MRPL54: variants seen among roughly 807,000 people sequenced by gnomAD.
The protein encoded by MRPL54 is mitochondrial ribosomal protein L54.
Under a neutral mutation model 15.6 loss-of-function variants are expected in MRPL54, and 12 were observed. The ratio of observed to expected loss-of-function variants is 0.77; its 90% CI spans 0.49 to 1.24. The LOEUF is 1.24. Ranked by LOEUF, MRPL54 falls within the 50% of genes most tolerant of loss-of-function variation. The pLI, the probability that MRPL54 is intolerant of heterozygous loss-of-function variation, is 0.00. For missense variants in MRPL54, 178 were observed against 186.8 expected (o/e 0.95, Z 0.28); for synonymous variants, 91 against 75.7 (o/e 1.20, Z -1.05).
At chr19:3,764,166 T>C (rs943121932) in intron 1 of MRPL54, among the ~76,000 whole-genome samples, 3 of 151,226 alleles carry the variant, frequency 2.0e-5, no homozygotes, top group African/African-American at 4.8e-5. Flanking sequence ...CACTGCAAGC[T>C]CCGCCTCCTG....
At chr19:3,762,914 T>G in intron 1 of MRPL54, 96 bp downstream of exon 1, 1 of 1,061,036 alleles carries the variant, frequency 9.4e-7, no homozygotes, top group Non-Finnish European at 1.3e-6. Context: ...CTAGAACTGA[T>G]GCGCAAGCGC....
chr19:3,766,684 G>A (rs1327298171), intron 2 of MRPL54, among the ~76,000 whole-genome samples: 3 of 152,236 alleles, frequency 2.0e-5, no homozygotes, highest in Non-Finnish European at 4.4e-5. Context: ...GAAGGGGGCA[G>A]GAGAATGAGG....
At chr19:3,767,164 C>G in intron 2 of MRPL54, 97 bp from the exon 3 acceptor site, 1 of 1,434,858 alleles carries the variant, frequency 7.0e-7, no homozygotes, top group Non-Finnish European at 9.3e-7. Flanking sequence ...GTGGGCCTGG[C>G]ACCCAGCCCC....
intron 1 of MRPL54, 69 bp from the exon 2 acceptor site, chr19:3,765,097 T>G: frequency 6.6e-7 from 1 of 1,503,948 alleles, no homozygotes; most frequent in Non-Finnish European, 9.0e-7. Flanking sequence ...TGAGACAGGG[T>G]TCTGTGAGAG....
rs1464513487 is a variant in MRPL54, at chr19:3,765,149, C to A, written c.119-17C>A. On this transcript the variant is annotated splice_polypyrimidine_tract_variant and intron_variant, in intron 1 of 2. Transcript: ENST00000330133. ...GGAGGGGCTGGGCTGAAATGACTCT[C>A]CCTCTCGTCTCCCCAGTTATGAAGG... 6.3e-7 allele frequency: 1 copy of A among 1,599,896 alleles called. No homozygotes were observed. The highest frequency in any genetic ancestry group is 8.5e-7 in the Non-Finnish European group (1 of 1,172,434).
At chr19:3,767,227 G>T (rs756566476) in intron 2 of MRPL54, 34 bp from the exon 3 acceptor site, 2 of 1,601,222 alleles carry the variant, frequency 1.2e-6, no homozygotes, top group Non-Finnish European at 1.7e-6. Flanking sequence ...AGGGGTCACC[G>T]TGTAGCTCTG....
At position 3,765,179 on chromosome 19, in the gene MRPL54, CAA is replaced by C; in HGVS notation, c.134_135del (p.Lys45IlefsTer46). 6.2e-7 allele frequency: 1 copy of C among 1,611,676 alleles called. No individual in the cohort carries two copies. The highest frequency in any genetic ancestry group is 8.5e-7 in the Non-Finnish European group (1 of 1,178,948). On this transcript the variant is annotated frameshift_variant, in exon 2 of 3. Transcript: ENST00000330133. LOFTEE classifies it high-confidence loss of function. ...YAKKPVMKGAKSGKGAVTSEA... is the reference protein window; with the variant it reads ...YAKKPVMKGAXSGKGAVTSEA... ...TCGTCTCCCCAGTTATGAAGGGGGC[CAA>C]ATCGGGAAAAGGTGCAGTGACCAGC...
In MRPL54 at chr19:3,767,402, G is replaced by A. The variant is rs1356383213; in HGVS notation, c.*9G>A. Reference sequence around the variant, plus strand: ...AGAACAAGAGGTTGTAGCATGGAGGGCCCGGCATCGCTGACCCCCACGCCG... The same window carrying A: ...AGAACAAGAGGTTGTAGCATGGAGGACCCGGCATCGCTGACCCCCACGCCG... On this transcript the variant is annotated 3_prime_UTR_variant, in exon 3 of 3. Transcript: ENST00000330133. The A allele has an allele frequency of 6.2e-7, 1 of 1,607,452 alleles. No homozygotes were observed.
Position 3,767,321 on chromosome 19 carries a change from G to A in MRPL54, c.345G>A (p.Arg115=). Residue 115 remains arginine, a synonymous_variant, in exon 3 of 3, where the codon CGG becomes CGA. Coordinates refer to ENST00000330133, the MANE Select transcript of MRPL54 (RefSeq NM_172251.3). ...KTLEELDPES[R]EYWRRLRKQN... ...TGGAGGAGCTGGACCCCGAGAGCCGGGAGTACTGGCGGCGGCTGCGGAAAC... is the reference window on the plus strand; with the variant it reads ...TGGAGGAGCTGGACCCCGAGAGCCGAGAGTACTGGCGGCGGCTGCGGAAAC... 6.2e-7 allele frequency: 1 copy of A among 1,611,992 alleles called. No homozygotes were observed. Among genetic ancestry groups the A allele is most frequent in the Non-Finnish European group, 8.5e-7 (1 of 1,179,282 alleles).
At chr19:3,764,868 A>G (rs140960963) in intron 1 of MRPL54, among the ~76,000 whole-genome samples, 1,960 of 151,914 alleles carry the variant, frequency 0.013, 13 homozygotes, top group Non-Finnish European at 0.018. Context: ...CTCTACTAAA[A>G]ATACAAAAAA....
At position 3,762,696 on chromosome 19, in the gene MRPL54, A is replaced by T. The variant is rs779965466; in HGVS notation, c.-5A>T. The stretch of plus-strand genomic sequence containing the variant: ...CGTGCACTTGCAAGCTGCCCGCAAT[A>T]CGTCATGGCGACCAAACGCCTTTTC... On this transcript the variant is annotated 5_prime_UTR_variant, in exon 1 of 3. Transcript: ENST00000330133. 16 of 1,611,012 alleles carry T rather than the reference A, an allele frequency of 9.9e-6. 1 individual carries two copies. In the South Asian group the frequency reaches 1.8e-4, roughly 18 times the overall value.
In MRPL54 at chr19:3,762,731, C is replaced by T. The variant is rs767955962; in HGVS notation, c.31C>T (p.Arg11Trp). Residue 11 changes from arginine (R) to tryptophan (W), a missense_variant, in exon 1 of 3, where the codon CGG becomes TGG. Coordinates refer to ENST00000330133, the MANE Select transcript of MRPL54 (RefSeq NM_172251.3). ...GACCAAACGCCTTTTCGGGGCTACC[C>T]GGACGTGGGCCGGCTGGGGGGCCTG... is the stretch of plus-strand genomic sequence containing the variant. MATKRLFGATRTWAGWGAWEL... is the reference protein window; with the variant it reads MATKRLFGATWTWAGWGAWEL... 1 of 1,611,470 alleles carries T rather than the reference C, an allele frequency of 6.2e-7. No homozygotes were observed. Among genetic ancestry groups the T allele is most frequent in the Non-Finnish European group, 8.5e-7 (1 of 1,179,080 alleles).
At chr19:3,764,239 T>G (rs879390270) in intron 1 of MRPL54, among the ~76,000 whole-genome samples, 1 of 151,208 alleles carries the variant, frequency 6.6e-6, no homozygotes, top group Non-Finnish European at 1.5e-5. Flanking sequence ...CCCACCACCA[T>G]GCCCGGCTAA....
chr19:3,766,649 G>A (rs2037200625), intron 2 of MRPL54, among the ~76,000 whole-genome samples: 1 of 152,238 alleles, frequency 6.6e-6, no homozygotes, highest in Non-Finnish European at 1.5e-5. Context: ...AGGAAGTCAG[G>A]CAGCTGTGGT....
Position 3,765,210 on chromosome 19 carries a change from G to T in MRPL54, c.163G>T (p.Ala55Ser), listed in dbSNP as rs2037187426. The T allele has an allele frequency of 1.2e-6, 2 of 1,613,584 alleles. No individual in the cohort carries two copies. The highest frequency in any genetic ancestry group is 1.7e-4 in the Middle Eastern group (1 of 6,058). ...GGGAAAAGGTGCAGTGACCAGCGAG[G>T]CCCTCAAGGACCCCGACGTATGCAC... is the stretch of plus-strand genomic sequence containing the variant. ...KSGKGAVTSE[A>S]LKDPDVCTDP... The change falls in exon 2 of 3, where the codon GCC (alanine) becomes TCC (serine). Residue 55 changes from alanine (A) to serine (S), a missense_variant. Ala to Ser is a moderately conservative substitution (Grantham distance 99). Transcript: ENST00000330133.
Position 3,765,742 on chromosome 19 carries a change from A to T in MRPL54, c.284+411A>T, listed in dbSNP as rs1312617753. 4.6e-5 allele frequency among the ~76,000 whole-genome samples: 7 copies of T among 151,844 alleles called. No homozygotes were observed. The East Asian group carries it at 1.4e-3, about 30-fold the overall frequency. On this transcript the variant is annotated intron_variant, in intron 2 of 2. Coordinates refer to ENST00000330133, the MANE Select transcript of MRPL54 (RefSeq NM_172251.3). Reference sequence around the variant, plus strand: ...GTGAAACCTCGTCTCTACTAAAAATATAAAAATTAGCCGGGTGTGGTGGCA... The same window carrying T: ...GTGAAACCTCGTCTCTACTAAAAATTTAAAAATTAGCCGGGTGTGGTGGCA...
rs764092916 is a variant in MRPL54 at position 3,765,265 on chromosome 19, T to C, written c.218T>C (p.Met73Thr). Residue 73 changes from methionine to threonine, a missense_variant, in exon 2 of 3, where the codon ATG (methionine) becomes ACG (threonine). Physicochemically the swap from Met to Thr is moderately conservative, Grantham distance 81 (BLOSUM62 -1). Coordinates refer to ENST00000330133, the MANE Select transcript of MRPL54 (RefSeq NM_172251.3). ...TDPVQLTTYA[M>T]GVNIYKEGQD... ...CCTGTCCAGCTCACCACATATGCCA[T>C]GGGCGTCAACATCTACAAGGAAGGG... The C allele has an allele frequency of 1.9e-6, 3 of 1,614,000 alleles. No homozygotes were observed. The highest frequency in any genetic ancestry group is 2.5e-6 in the Non-Finnish European group (3 of 1,179,960).
intron 1 of MRPL54, 107 bp from the exon 2 acceptor site, chr19:3,765,059 C>T (rs2037185983): frequency 1.8e-6 from 2 of 1,131,064 alleles, no homozygotes; most frequent in South Asian, 3.3e-5. Context: ...TTGAGTGTAG[C>T]AGAGTCCAGC....
Position 3,762,947 on chromosome 19 carries a change from A to T in MRPL54, c.118+129A>T, listed in dbSNP as rs115512971. ...CGCAGAGAGGCGGATGCCAGGCTGT[A>T]TGCGCAGGCGCAGTTTGAGGGACCC... On this transcript the variant is annotated intron_variant, in intron 1 of 2. Transcript: ENST00000330133. 1.2e-5 allele frequency: 9 copies of T among 776,828 alleles called. No homozygotes were observed. The East Asian group carries it at 1.2e-4, about 11-fold the overall frequency. 48.1% of individuals were successfully genotyped at this position (776,828 alleles called of 1,614,324 possible).
Sources: allele counts gnomAD v4.1 joint callset (sites outside exome capture counted in the v4.1 genomes callset), GRCh38; gene constraint gnomAD v4.1.1; transcripts MANE v1.5; gene names NCBI Gene and HGNC (gene_info 2026-07-23, HGNC 2026-07-21).